Variants in TMEM178B observed in about 807,000 individuals in gnomAD.
TMEM178B encodes transmembrane protein 178B.
A neutral mutation model predicts 31.0 loss-of-function variants in TMEM178B; 5 were observed. The observed-to-expected ratio is 0.16, with a 90% confidence interval of 0.08 to 0.34. The LOEUF (loss-of-function observed/expected upper bound fraction) is 0.34. TMEM178B is among the 10% of genes least tolerant of loss of function. The pLI, the probability that TMEM178B is intolerant of heterozygous loss-of-function variation, is 1.00. For synonymous variants in TMEM178B, 164 were observed against 164.0 expected (o/e 1.00, Z 0.00); for missense variants, 275 against 400.3 (o/e 0.69, Z 2.67).
the TMEM178B span, among the ~76,000 whole-genome samples, chr7:141,501,123 A>G: frequency 6.6e-6 from 1 of 152,102 alleles, no homozygotes; most frequent in South Asian, 2.1e-4. Flanking sequence ...TGGGGCTTCA[A>G]GATCAGAATT....
intron 1 of TMEM178B, among the ~76,000 whole-genome samples, chr7:141,113,636 G>A (rs543098054): frequency 1.4e-4 from 22 of 152,212 alleles, no homozygotes; most frequent in Admixed American, 3.3e-4. Context: ...AGCTCCTTCC[G>A]TGCATCTGTT....
intron 1 of TMEM178B, among the ~76,000 whole-genome samples, chr7:141,194,849 A>G (rs960132625): frequency 6.6e-6 from 1 of 152,216 alleles, no homozygotes; most frequent in Non-Finnish European, 1.5e-5. Context: ...TCTGAAGTCT[A>G]GGTGCAGGTT....
the TMEM178B span, among the ~76,000 whole-genome samples, chr7:141,490,530 G>A: frequency 6.6e-6 from 1 of 152,182 alleles, no homozygotes; most frequent in Non-Finnish European, 1.5e-5. Flanking sequence ...AGCCTCAGGG[G>A]GAACCAACCC....
At position 141,344,593 on chromosome 7, in the gene TMEM178B, T is replaced by A. The variant is rs1799581352; in HGVS notation, c.497-93015T>A. ...CCTCCTCCCTTCCTTCCTTCCTTCC[T>A]TCCTTCCTTCCTTCCTTCCTTCCTT... On this transcript the variant is annotated intron_variant, in intron 2 of 3. Coordinates refer to ENST00000565468, the MANE Select transcript of TMEM178B (RefSeq NM_001195278.2). The surrounding 1 kb of genome is among the most constrained non-coding windows in gnomAD (Gnocchi z 4.1). 7.6e-6 allele frequency among the ~76,000 whole-genome samples: 1 copy of A among 131,334 alleles called. No individual in the cohort carries two copies. Among genetic ancestry groups the A allele is most frequent in the Admixed American group, 7.3e-5 (1 of 13,706 alleles). 86.2% of individuals were successfully genotyped at this position (131,334 alleles called of 152,430 possible).
intron 2 of TMEM178B, among the ~76,000 whole-genome samples, chr7:141,320,430 T>G (rs1052443782): frequency 6.6e-6 from 1 of 152,148 alleles, no homozygotes; most frequent in African/African-American, 2.4e-5. Context: ...CACCTGTGAC[T>G]GAGGTGACCT....
intron 1 of TMEM178B, among the ~76,000 whole-genome samples, chr7:141,111,306 A>AC (rs572002740): frequency 5.1e-4 from 78 of 151,512 alleles, no homozygotes; most frequent in Non-Finnish European, 9.6e-4. Context: ...AGGAAAAACC[A>AC]CCCCCCCAAG....
intron 2 of TMEM178B, among the ~76,000 whole-genome samples, chr7:141,249,948 T>C (rs1042970774): frequency 1.3e-5 from 2 of 152,186 alleles, no homozygotes; most frequent in African/African-American, 4.8e-5. Context: ...ATTTCTTACC[T>C]TAAGGAAACA....
intron 3 of TMEM178B, among the ~76,000 whole-genome samples, chr7:141,451,336 T>A (rs1801858617): frequency 6.6e-6 from 1 of 152,244 alleles, no homozygotes. Context: ...ATGCTTGGTC[T>A]GTAGTGAGCA....
chr7:141,459,959 AAAAG>A (rs1182415191), intron 3 of TMEM178B, among the ~76,000 whole-genome samples: 2 of 152,096 alleles, frequency 1.3e-5, no homozygotes, highest in Non-Finnish European at 2.9e-5. Context: ...AAAAAAAAAA[AAAAG>A]AACACAAGAT....
intron 1 of TMEM178B, among the ~76,000 whole-genome samples, chr7:141,157,294 T>C (rs1303037815): frequency 6.6e-6 from 1 of 152,168 alleles, no homozygotes; most frequent in Non-Finnish European, 1.5e-5. Context: ...TGCAGTCTAC[T>C]GGAGAGGACC....
the TMEM178B span, among the ~76,000 whole-genome samples, chr7:141,501,838 GTC>G: frequency 4.0e-5 from 6 of 148,804 alleles, no homozygotes; most frequent in African/African-American, 1.6e-4. Context: ...CTTAGAATCA[GTC>G]TCTCATGCTC....
chr7:141,136,652 A>G (rs1327114845), intron 1 of TMEM178B, among the ~76,000 whole-genome samples: 3 of 152,210 alleles, frequency 2.0e-5, no homozygotes, highest in Non-Finnish European at 4.4e-5. Context: ...CAGAATATAT[A>G]AGGAACTCAA....
chr7:141,212,144 G>A (rs1004758790), intron 1 of TMEM178B, among the ~76,000 whole-genome samples: 2 of 152,110 alleles, frequency 1.3e-5, no homozygotes, highest in Non-Finnish European at 1.5e-5. Context: ...ATGGGAGGAT[G>A]GAGGCCCCCA....
chr7:141,139,584 C>T (rs1360742807), intron 1 of TMEM178B, among the ~76,000 whole-genome samples: 2 of 152,224 alleles, frequency 1.3e-5, no homozygotes, highest in African/African-American at 4.8e-5. Context: ...CTCAAGCGAT[C>T]GTCTGCCTTG....
At chr7:141,220,490 G>A (rs1797240540) in intron 2 of TMEM178B, among the ~76,000 whole-genome samples, 1 of 152,006 alleles carries the variant, frequency 6.6e-6, no homozygotes, top group Non-Finnish European at 1.5e-5. Context: ...ACATGGATAA[G>A]AGGGAGAGTT....
rs117901691 is a variant in TMEM178B at position 141,113,352 on chromosome 7, C to A, written c.382+38660C>A. On this transcript the variant is annotated intron_variant, in intron 1 of 3. Coordinates refer to ENST00000565468, the MANE Select transcript of TMEM178B (RefSeq NM_001195278.2). ...TCACTGTCCATCTGTTCCCTGAGAT[C>A]CTGAGTCTCCACATCACACAGCTTG... Among the ~76,000 whole-genome samples the A allele has an allele frequency of 1.4e-4, 21 of 152,320 alleles. No individual in the cohort carries two copies. The East Asian group carries it at 4.0e-3, about 29-fold the overall frequency.
chr7:141,235,788 C>G (rs760404404), intron 2 of TMEM178B, among the ~76,000 whole-genome samples: 8 of 152,118 alleles, frequency 5.3e-5, no homozygotes, highest in Non-Finnish European at 1.0e-4. Context: ...CATTATTGAC[C>G]GAGCCCTAAG....
chr7:141,134,032 T>G (rs776325101), intron 1 of TMEM178B, among the ~76,000 whole-genome samples: 1 of 151,982 alleles, frequency 6.6e-6, no homozygotes, highest in Non-Finnish European at 1.5e-5. Context: ...GGCAGGAGTT[T>G]GAGAGTAGCC....
intron 2 of TMEM178B, among the ~76,000 whole-genome samples, chr7:141,399,104 A>G (rs968287062): frequency 6.6e-6 from 1 of 152,242 alleles, no homozygotes; most frequent in Admixed American, 6.5e-5. Context: ...ATTTCATATC[A>G]ATGCTAATTC....
Sources: allele counts gnomAD v4.1 joint callset (sites outside exome capture counted in the v4.1 genomes callset), GRCh38; gene constraint gnomAD v4.1.1; non-coding constraint Gnocchi (gnomAD v3.1); transcripts MANE v1.5; gene names NCBI Gene and HGNC (gene_info 2026-07-23, HGNC 2026-07-21).